The following MACROD2 variants were observed in gnomAD, a reference collection of about 807,000 sequenced individuals.
MACROD2 encodes mono-ADP ribosylhydrolase 2, also known as ADP-ribose glycohydrolase MACROD2.
A neutral mutation model predicts 70.4 loss-of-function variants in MACROD2; 36 were observed. That is an observed-to-expected ratio of 0.51 (90% CI 0.39 to 0.68). The LOEUF (loss-of-function observed/expected upper bound fraction) is 0.68. Ranked by LOEUF, MACROD2 falls within the 30% of genes least tolerant of loss-of-function variation. The pLI, the probability that MACROD2 is intolerant of heterozygous loss-of-function variation, is 0.00. For missense variants in MACROD2, 496 were observed against 538.4 expected (o/e 0.92, Z 0.78); for synonymous variants, 172 against 178.8 (o/e 0.96, Z 0.30).
At chr20:15,456,413 G>GTTTGCT (rs2046727224) in intron 7 of MACROD2, among the ~76,000 whole-genome samples, 1 of 152,148 alleles carries the variant, frequency 6.6e-6, no homozygotes, top group Non-Finnish European at 1.5e-5. Context: ...TCCCTTTGCT[G>GTTTGCT]TTTGCTATTT....
chr20:15,868,532 A>G (rs1049138343), intron 9 of MACROD2, among the ~76,000 whole-genome samples: 1 of 152,140 alleles, frequency 6.6e-6, no homozygotes, highest in Admixed American at 6.5e-5. Context: ...AGAGCAATGA[A>G]GAACAAATTC....
chr20:14,970,849 T>C (rs1265546916), intron 5 of MACROD2, among the ~76,000 whole-genome samples: 1 of 151,974 alleles, frequency 6.6e-6, no homozygotes, highest in Non-Finnish European at 1.5e-5. Flanking sequence ...ACTCCTATGC[T>C]CAAGCAATCC....
At chr20:14,648,829 C>T (rs1487931894) in intron 4 of MACROD2, among the ~76,000 whole-genome samples, 2 of 151,990 alleles carry the variant, frequency 1.3e-5, no homozygotes, top group East Asian at 1.9e-4. Context: ...TGTATTTAAC[C>T]AAGAATGTCT....
intron 5 of MACROD2, chr20:14,757,835 A>G (rs1337215153): frequency 6.6e-7 from 1 of 1,525,790 alleles, no homozygotes; most frequent in Non-Finnish European, 9.1e-7. Flanking sequence ...TGTGCCTGCC[A>G]CTCTATGCCG....
At chr20:14,652,249 A>G (rs1985715447) in intron 4 of MACROD2, among the ~76,000 whole-genome samples, 1 of 152,196 alleles carries the variant, frequency 6.6e-6, no homozygotes, top group Non-Finnish European at 1.5e-5. Context: ...GTAAGCTGTG[A>G]CTTTCAGTGT....
chr20:15,329,092 A>G (rs569873687), intron 6 of MACROD2, among the ~76,000 whole-genome samples: 1 of 152,294 alleles, frequency 6.6e-6, no homozygotes, highest in South Asian at 2.1e-4. Flanking sequence ...GAAAAAATCT[A>G]AAAGGAAATG....
intron 8 of MACROD2, among the ~76,000 whole-genome samples, chr20:15,740,335 G>C (rs2051085482): frequency 6.6e-6 from 1 of 152,126 alleles, no homozygotes; most frequent in Non-Finnish European, 1.5e-5. Context: ...CTTTGTAACA[G>C]CCTAGTACGA....
chr20:14,408,714 A>G (rs139867903), intron 3 of MACROD2, among the ~76,000 whole-genome samples: 2 of 152,182 alleles, frequency 1.3e-5, no homozygotes, highest in African/African-American at 2.4e-5. Flanking sequence ...GATGGCATTT[A>G]GATAACTATT....
chr20:14,793,487 G>T (rs2072474429), intron 5 of MACROD2, among the ~76,000 whole-genome samples: 1 of 147,934 alleles, frequency 6.8e-6, no homozygotes, highest in Non-Finnish European at 1.5e-5. Context: ...TGTCCCTTTA[G>T]TTCTCTTCTG....
intron 6 of MACROD2, among the ~76,000 whole-genome samples, chr20:15,260,816 T>C (rs1041488260): frequency 4.4e-4 from 67 of 152,034 alleles, no homozygotes; most frequent in African/African-American, 1.5e-3. Flanking sequence ...CTTTCTGCTG[T>C]TAATAATGTA....
rs370544318 is a variant in MACROD2, at chr20:14,327,543, C to A, written c.272-165936C>A. 27 of 1,562,364 alleles carry A rather than the reference C, an allele frequency of 1.7e-5. No homozygotes were observed. In the African/African-American group the frequency reaches 2.9e-4, roughly 17 times the overall value. On this transcript the variant is annotated intron_variant, in intron 3 of 17. Coordinates refer to ENST00000684519, the MANE Select transcript of MACROD2 (RefSeq NM_001351661.2). Reference sequence around the variant, plus strand: ...TTGAGGTCTTTATACAAGGTAGCTTCCGTTACTTCAGAACCCTAAAATGAA... The same window carrying A: ...TTGAGGTCTTTATACAAGGTAGCTTACGTTACTTCAGAACCCTAAAATGAA...
intron 6 of MACROD2, among the ~76,000 whole-genome samples, chr20:15,338,619 C>T (rs2078074733): frequency 6.6e-6 from 1 of 151,736 alleles, no homozygotes; most frequent in Admixed American, 6.6e-5. Context: ...TTCATTTAAT[C>T]ATCTGAATAA....
chr20:15,729,422 C>G (rs1397004601), intron 8 of MACROD2, among the ~76,000 whole-genome samples: 1 of 152,114 alleles, frequency 6.6e-6, no homozygotes, highest in Admixed American at 6.6e-5. Context: ...GTGTCAAGTT[C>G]AGGTCCTGAA....
chr20:15,846,266 T>G (rs2064229779), intron 8 of MACROD2, among the ~76,000 whole-genome samples: 1 of 152,202 alleles, frequency 6.6e-6, no homozygotes. Flanking sequence ...ATATTCAGCC[T>G]TCGAGGATAC....
At chr20:14,083,310 C>G (rs994626109) in intron 2 of MACROD2, among the ~76,000 whole-genome samples, 1 of 151,680 alleles carries the variant, frequency 6.6e-6, no homozygotes, top group Non-Finnish European at 1.5e-5. Flanking sequence ...GTAATCCCAG[C>G]TACTTGGGAG....
intron 5 of MACROD2, among the ~76,000 whole-genome samples, chr20:14,781,113 T>C (rs973941515): frequency 6.6e-6 from 1 of 152,074 alleles, no homozygotes; most frequent in African/African-American, 2.4e-5. Context: ...TTGACTATAA[T>C]CACTTTGCTG....
chr20:14,002,311 G>C lies in MACROD2; in HGVS notation c.70G>C (p.Glu24Gln). The C allele has an allele frequency of 6.2e-7, 1 of 1,607,178 alleles. No homozygotes were observed. The highest frequency in any genetic ancestry group is 8.5e-7 in the Non-Finnish European group (1 of 1,177,298). The change falls in exon 2 of 18, where the codon GAA (glutamate) becomes CAA (glutamine). Residue 24 changes from glutamate to glutamine, a missense_variant. Glu to Gln is a conservative substitution (Grantham distance 29). Transcript: ENST00000684519. Reference protein sequence around the residue: ...EKERLLKMTLEERRKEYLRDY... With the variant: ...EKERLLKMTLQERRKEYLRDY... ...AGAACGTTTATTGAAGATGACCTTA[G>C]AAGAGAGACGCAAAGAATACCTAAG...
At chr20:14,671,159 C>A (rs185778495) in intron 4 of MACROD2, among the ~76,000 whole-genome samples, 20 of 152,196 alleles carry the variant, frequency 1.3e-4, no homozygotes, top group Middle Eastern at 3.4e-3. Flanking sequence ...GGGTAGGCAA[C>A]CACCAATCTA....
intron 3 of MACROD2, among the ~76,000 whole-genome samples, chr20:14,288,185 C>T (rs1276690934): frequency 6.6e-6 from 1 of 151,744 alleles, no homozygotes; most frequent in African/African-American, 2.4e-5. Flanking sequence ...ATCTTTCCTT[C>T]TTCTTCCCCA....
Sources: gnomAD v4.1 joint callset for allele counts (sites outside exome capture counted in the v4.1 genomes callset) on GRCh38, gnomAD v4.1.1 for gene constraint, MANE v1.5 for transcripts, NCBI Gene and HGNC (gene_info 2026-07-23, HGNC 2026-07-21) for gene names.